Variants in LTF observed in about 807,000 individuals in gnomAD.
LTF encodes the protein epididymis luminal protein 110.
A neutral mutation model predicts 87.2 loss-of-function variants in LTF; 91 were observed. The observed-to-expected ratio is 1.04, with a 90% CI of 0.88 to 1.24. The LOEUF (loss-of-function observed/expected upper bound fraction) is 1.24. LTF is among the 50% of genes most tolerant of loss of function. The pLI is 0.00. For synonymous variants in LTF, 378 were observed against 356.1 expected (o/e 1.06, Z -0.69); for missense variants, 901 against 904.3 (o/e 1.00, Z 0.05).
chr3:46,439,804 C>T (rs202143811), intron 14 of LTF, among the ~76,000 whole-genome samples: 5 of 152,090 alleles, frequency 3.3e-5, no homozygotes, highest in East Asian at 1.9e-4. Context: ...AGGCTGGGCA[C>T]GGTGGCTCAT....
intron 15 of LTF, 131 bp from the exon 16 acceptor site, chr3:46,438,260 G>T: frequency 1.3e-6 from 1 of 764,666 alleles, no homozygotes. Context: ...CTGAGTTCTG[G>T]AGTCATTCCA....
At chr3:46,472,486 T>TC (rs1201526301) in intron 1 of LTF, among the ~76,000 whole-genome samples, 5 of 68,636 alleles carry the variant, frequency 7.3e-5, no homozygotes, top group East Asian at 6.6e-4. Context: ...TGGAAAAGAT[T>TC]ATTGTGTGTG....
intron 1 of LTF, among the ~76,000 whole-genome samples, chr3:46,483,238 G>T (rs1266569867): frequency 6.6e-6 from 1 of 152,216 alleles, no homozygotes; most frequent in Non-Finnish European, 1.5e-5. Flanking sequence ...CAGCTCCCAT[G>T]AGCCAGAATG....
Position 46,471,991 on chromosome 3 carries a change from G to A in LTF, c.-319-1525C>T, listed in dbSNP as rs541984099. On this transcript the variant is annotated intron_variant, in intron 1 of 19. Transcript: ENST00000443496. The stretch of plus-strand genomic sequence containing the variant: ...CAATTTTGTTTGCAGTCAGAGGCTT[G>A]TTGGAGCCTCCAGAGGGTCCTTGGC... Among the ~76,000 whole-genome samples, 58 of 152,278 alleles carry A rather than the reference G, an allele frequency of 3.8e-4. No individual in the cohort carries two copies. In the South Asian group the frequency reaches 5.8e-3, roughly 15 times the overall value.
chr3:46,445,357 G>A lies in LTF; in HGVS notation c.1437C>T (p.His479=), dbSNP rs368845863. Reference sequence around the variant, plus strand: ...AGCCTGCAGTCCTGTCCACGGCGGTGTGGCAGGACTTCTTGCCTTTCACAG... The same window carrying A: ...AGCCTGCAGTCCTGTCCACGGCGGTATGGCAGGACTTCTTGCCTTTCACAG... The part of the protein sequence containing the change: ...WNSVKGKKSC[H]TAVDRTAGWN... Residue 479 remains histidine (H), a synonymous_variant, in exon 12 of 17, where the codon CAC becomes CAT. Transcript: ENST00000231751. 6 of 1,613,686 alleles carry A rather than the reference G, an allele frequency of 3.7e-6. No homozygotes were observed. In the African/African-American group the frequency reaches 6.7e-5, roughly 18 times the overall value.
At chr3:46,462,627 C>G (rs889932341) in intron 1 of LTF, among the ~76,000 whole-genome samples, 2 of 152,142 alleles carry the variant, frequency 1.3e-5, no homozygotes, top group Admixed American at 6.5e-5. Context: ...CAATGCTGAT[C>G]CAGGGAGGTC....
upstream of LTF, among the ~76,000 whole-genome samples, chr3:46,466,213 C>T (rs1447528049): frequency 6.6e-6 from 1 of 151,716 alleles, no homozygotes; most frequent in African/African-American, 2.4e-5. Flanking sequence ...GCACTGCAGC[C>T]TGGGCAATAG....
chr3:46,435,955 C>T lies in LTF; in HGVS notation c.*240G>A. ...AGGTCCAACTGTACAGGTATTTTGT[C>T]AGGCATGTGATTTCAGTATAAAATT... On this transcript the variant is annotated 3_prime_UTR_variant, in exon 17 of 17. Coordinates refer to ENST00000231751, the MANE Select transcript of LTF (RefSeq NM_002343.6). 1 of 553,540 alleles carries T rather than the reference C, an allele frequency of 1.8e-6. No individual in the cohort carries two copies. The highest frequency in any genetic ancestry group is 3.2e-6 in the Non-Finnish European group (1 of 310,092). 34.3% of individuals were successfully genotyped at this position (553,540 alleles called of 1,614,324 possible). A position where few individuals can be genotyped will look rare whatever the true frequency, so the allele number is the denominator to read the frequency against.
intron 13 of LTF, among the ~76,000 whole-genome samples, chr3:46,443,058 G>A (rs112322584): frequency 0.013 from 2,029 of 152,328 alleles, 50 homozygotes; most frequent in African/African-American, 0.046. Context: ...CCATAGTCAT[G>A]ACCTAGGTGA....
intron 1 of LTF, among the ~76,000 whole-genome samples, chr3:46,483,308 A>G (rs1390603776): frequency 6.6e-6 from 1 of 152,268 alleles, no homozygotes; most frequent in African/African-American, 2.4e-5. Context: ...GTGTACGCCC[A>G]GCAGAAATGC....
At chr3:46,483,829 C>G (rs962932999) in intron 1 of LTF, among the ~76,000 whole-genome samples, 1 of 152,018 alleles carries the variant, frequency 6.6e-6, no homozygotes, top group Non-Finnish European at 1.5e-5. Context: ...AAAACGGAGA[C>G]AGGGATCTTG....
At chr3:46,474,154 G>A (rs1281323315) in intron 1 of LTF, among the ~76,000 whole-genome samples, 2 of 152,114 alleles carry the variant, frequency 1.3e-5, no homozygotes, top group East Asian at 3.9e-4. Flanking sequence ...CCAATTAAAA[G>A]AATGGGATTG....
At chr3:46,449,711 A>G in intron 8 of LTF, 143 bp downstream of exon 8, 1 of 829,748 alleles carries the variant, frequency 1.2e-6, no homozygotes, top group Non-Finnish European at 1.9e-6. Context: ...CCTAATCCAC[A>G]GAAGACACTC....
At chr3:46,438,703 G>A (rs913223145) in intron 15 of LTF, among the ~76,000 whole-genome samples, 1 of 152,210 alleles carries the variant, frequency 6.6e-6, no homozygotes, top group Admixed American at 6.5e-5. Flanking sequence ...ATAAAGGCCA[G>A]TTATGGTGGC....
intron 7 of LTF, 94 bp downstream of exon 7, chr3:46,450,401 A>G (rs1702773909): frequency 9.8e-6 from 13 of 1,325,840 alleles, no homozygotes; most frequent in Non-Finnish European, 1.2e-5. Context: ...GCAAAGCTAC[A>G]GGACTTCTGG....
In LTF at chr3:46,438,458, GC is replaced by G. The variant is rs552552110; in HGVS notation, c.1909-330del. Among the ~76,000 whole-genome samples the G allele has an allele frequency of 4.4e-3, 664 of 152,312 alleles. 1 individual carries two copies. Among genetic ancestry groups the G allele is most frequent in the Non-Finnish European group, 6.8e-3 (464 of 68,028 alleles). On this transcript the variant is annotated intron_variant, in intron 15 of 16. Transcript: ENST00000231751. ...CAACAATGGAGGGGTTTTGAGATCT[GC>G]CCTCACAAGTCAATTGCTCAGGACA...
At chr3:46,481,117 C>T (rs894334742) in intron 1 of LTF, among the ~76,000 whole-genome samples, 5 of 152,176 alleles carry the variant, frequency 3.3e-5, no homozygotes, top group Non-Finnish European at 5.9e-5. Context: ...CATTTGAGTG[C>T]AGCCCCCCTC....
chr3:46,477,280 G>A (rs992415067), intron 1 of LTF, among the ~76,000 whole-genome samples: 1 of 152,216 alleles, frequency 6.6e-6, no homozygotes, highest in Non-Finnish European at 1.5e-5. Context: ...ATTCTTCAGA[G>A]TCACCATTTC....
intron 5 of LTF, 105 bp downstream of exon 5, chr3:46,455,190 G>T: frequency 2.9e-6 from 4 of 1,389,804 alleles, no homozygotes; most frequent in South Asian, 1.2e-5. Flanking sequence ...ACCTCCTCTC[G>T]TCCCCAAGAG....
Sources: gnomAD v4.1 joint callset for allele counts (sites outside exome capture counted in the v4.1 genomes callset) on GRCh38, gnomAD v4.1.1 for gene constraint, MANE v1.5 for transcripts, NCBI Gene and HGNC (gene_info 2026-07-23, HGNC 2026-07-21) for gene names.